Variants in SLFN12L observed in about 807,000 individuals in gnomAD.
SLFN12L encodes the protein schlafen family member 12 like, also known as schlafen family member 12-like.
Under a neutral mutation model 34.8 loss-of-function variants are expected in SLFN12L, and 34 were observed. That is an observed-to-expected ratio of 0.98 (90% CI 0.74 to 1.30). SLFN12L has a LOEUF of 1.30. Among genes scored for constraint, SLFN12L ranks in the 50% most tolerant of loss-of-function variants. The pLI is 0.00. For missense variants in SLFN12L, 703 were observed against 696.2 expected (o/e 1.01, Z -0.11); for synonymous variants, 259 against 247.5 (o/e 1.05, Z -0.44).
rs1381398189 is a variant in SLFN12L, at chr17:35,472,218, A to G, written c.*2705T>C. Among the ~76,000 whole-genome samples, 2 of 152,110 alleles carry G rather than the reference A, an allele frequency of 1.3e-5. No homozygotes were observed. The highest frequency in any genetic ancestry group is 4.8e-5 in the African/African-American group (2 of 41,410). On this transcript the variant is annotated 3_prime_UTR_variant, in exon 5 of 5. Transcript: ENST00000628453. The stretch of plus-strand genomic sequence containing the variant: ...AGTTTTGCATTTAAGTCTTTAATCT[A>G]TCTTGAGTTAATTTTTGTATAAAGT...
At chr17:35,522,013 A>G (rs1916011161) in intron 2 of SLFN12L, among the ~76,000 whole-genome samples, 1 of 152,142 alleles carries the variant, frequency 6.6e-6, no homozygotes, top group Non-Finnish European at 1.5e-5. Flanking sequence ...AGATATACCT[A>G]ATGTTAAATG....
intron 2 of SLFN12L, among the ~76,000 whole-genome samples, chr17:35,495,935 A>G (rs2142145333): frequency 6.6e-6 from 1 of 150,658 alleles, no homozygotes; most frequent in South Asian, 2.1e-4. Flanking sequence ...ACACACACAC[A>G]CACACACACA....
At chr17:35,500,710 CAGAGCGAG>C (rs1343151625) in intron 2 of SLFN12L, among the ~76,000 whole-genome samples, 1 of 147,608 alleles carries the variant, frequency 6.8e-6, no homozygotes, top group Non-Finnish European at 1.5e-5. Context: ...GCCTGGGTGA[CAGAGCGAG>C]ACTCTGTCTC....
intron 2 of SLFN12L, among the ~76,000 whole-genome samples, chr17:35,521,997 A>G (rs532802112): frequency 6.6e-6 from 1 of 152,292 alleles, no homozygotes; most frequent in Admixed American, 6.5e-5. Context: ...GAGGGATAGC[A>G]TTAGGAGATA....
chr17:35,525,360 A>C (rs533750545), intron 1 of SLFN12L, among the ~76,000 whole-genome samples: 8 of 152,296 alleles, frequency 5.3e-5, no homozygotes, highest in African/African-American at 1.9e-4. Flanking sequence ...TACAGAGAAC[A>C]CCACAAAGAT....
At chr17:35,530,441 G>GAAGAAAGAAAGA (rs1289016983) in intron 1 of SLFN12L, among the ~76,000 whole-genome samples, 1 of 16,874 alleles carries the variant, frequency 5.9e-5, no homozygotes. Flanking sequence ...GAAGGGAAGG[G>GAAGAAAGAAAGA]AAGAAAGAAA....
At position 35,501,322 on chromosome 17, in the gene SLFN12L, G is replaced by A. The variant is rs377376676; in HGVS notation, c.86+20957C>T. Among the ~76,000 whole-genome samples the A allele has an allele frequency of 1.4e-4, 21 of 152,322 alleles. No individual in the cohort carries two copies. In the East Asian group the frequency reaches 1.5e-3, roughly 11 times the overall value. ...CAGGAGGAACTGGCACTTGGAGTCC[G>A]GACATCTGAAACTTGGTAAGACTGG... On this transcript the variant is annotated intron_variant, in intron 2 of 4. Transcript: ENST00000628453.
chr17:35,468,875 G>A lies in SLFN12L; in HGVS notation c.*6048C>T, dbSNP rs995023852. 6.6e-6 allele frequency among the ~76,000 whole-genome samples: 1 copy of A among 151,992 alleles called. No homozygotes were observed. The highest frequency in any genetic ancestry group is 2.1e-4 in the South Asian group (1 of 4,828). ...TACAAAACATATAAAAGTTAGCTGG[G>A]CATGGTGGTGTACACCTGTAGTCCC... On this transcript the variant is annotated 3_prime_UTR_variant, in exon 5 of 5. Transcript: ENST00000628453.
At chr17:35,513,915 A>C (rs1190654738) in intron 2 of SLFN12L, among the ~76,000 whole-genome samples, 1 of 152,240 alleles carries the variant, frequency 6.6e-6, no homozygotes, top group Non-Finnish European at 1.5e-5. Flanking sequence ...TGGAAATACT[A>C]AGTCAGGCAA....
At chr17:35,491,128 C>T in intron 2 of SLFN12L, 3 of 774,908 alleles carry the variant, frequency 3.9e-6, no homozygotes, top group Non-Finnish European at 7.1e-6. Flanking sequence ...TGTGAACTTA[C>T]TGCCTCCCCT....
chr17:35,524,835 A>G (rs1338809313), intron 1 of SLFN12L, among the ~76,000 whole-genome samples: 1 of 152,190 alleles, frequency 6.6e-6, no homozygotes, highest in Non-Finnish European at 1.5e-5. Flanking sequence ...CAGCAAGGGA[A>G]CAAAACTGGA....
At chr17:35,530,417 GGAAGGAAGGAAGGGA>G (rs1567693613) in intron 1 of SLFN12L, among the ~76,000 whole-genome samples, 233 of 12,894 alleles carry the variant, frequency 0.018, 34 homozygotes, top group East Asian at 0.11. Flanking sequence ...AAGGAAGGAA[GGAAGGAAGGAAGGGA>G]AGGGAAGGGA....
intron 2 of SLFN12L, among the ~76,000 whole-genome samples, chr17:35,506,186 A>G (rs1013273004): frequency 3.3e-5 from 5 of 152,188 alleles, no homozygotes; most frequent in African/African-American, 1.2e-4. Flanking sequence ...GAAGGAAAGA[A>G]AAGGGATTCC....
Position 35,472,792 on chromosome 17 carries a change from G to A in SLFN12L, c.*2131C>T, listed in dbSNP as rs1913827941. On this transcript the variant is annotated 3_prime_UTR_variant, in exon 5 of 5. Transcript: ENST00000628453. The stretch of plus-strand genomic sequence containing the variant: ...TTCTTCCTGTTTATGAGGATGGAAT[G>A]TTTTTCCATTTGTTTGTGTCTTCTC... Among the ~76,000 whole-genome samples the A allele has an allele frequency of 1.3e-5, 2 of 152,284 alleles. No individual in the cohort carries two copies. Among genetic ancestry groups the A allele is most frequent in the South Asian group, 4.1e-4 (2 of 4,820 alleles).
At chr17:35,478,528 T>C (rs554515363) in intron 3 of SLFN12L, 9 of 197,014 alleles carry the variant, frequency 4.6e-5, no homozygotes, top group Non-Finnish European at 8.1e-5. Context: ...CTGGGTTTTA[T>C]GCAGATTCTG....
Position 35,472,656 on chromosome 17 carries a change from T to C in SLFN12L, c.*2267A>G, listed in dbSNP as rs1299980586. On this transcript the variant is annotated 3_prime_UTR_variant, in exon 5 of 5. Coordinates refer to ENST00000628453, the MANE Select transcript of SLFN12L (RefSeq NM_001363830.2). ...CATATGAAATTTAATTTCATTTAAT[T>C]CTGATTTGATTCCATATGAAATTCT... Among the ~76,000 whole-genome samples, 1 of 152,170 alleles carries C rather than the reference T, an allele frequency of 6.6e-6. No homozygotes were observed. The highest frequency in any genetic ancestry group is 2.4e-5 in the African/African-American group (1 of 41,448).
chr17:35,521,248 A>G (rs1008256340), intron 2 of SLFN12L, among the ~76,000 whole-genome samples: 2 of 152,150 alleles, frequency 1.3e-5, no homozygotes, highest in African/African-American at 4.8e-5. Context: ...GGATCCTGGA[A>G]CAGACAAGCA....
chr17:35,492,618 G>A (rs1311301648), intron 2 of SLFN12L, among the ~76,000 whole-genome samples: 17 of 152,138 alleles, frequency 1.1e-4, no homozygotes, highest in Middle Eastern at 3.2e-3. Flanking sequence ...GAAGTTGGGG[G>A]CGTAGAAAAT....
rs781743202 is a variant in SLFN12L at position 35,480,075 on chromosome 17, A to G, written c.207T>C (p.Asn69=). 9.9e-6 allele frequency: 16 copies of G among 1,613,776 alleles called. No homozygotes were observed. Among genetic ancestry groups the G allele is most frequent in the Middle Eastern group, 3.3e-4 (2 of 6,062 alleles). Residue 69 remains asparagine (N), a synonymous_variant, in exon 3 of 5, where the codon AAT becomes AAC. Coordinates refer to ENST00000628453, the MANE Select transcript of SLFN12L (RefSeq NM_001363830.2). ...NVGRVTLGEN[N]RKKMKDCQLR... ...GTTGACAATCCTTCATTTTTTTTCT[A>G]TTGTTCTCTCCAAGAGTGACTCTTC...
Sources: allele counts gnomAD v4.1 joint callset (sites outside exome capture counted in the v4.1 genomes callset), GRCh38; gene constraint gnomAD v4.1.1; transcripts MANE v1.5; gene names NCBI Gene and HGNC (gene_info 2026-07-23, HGNC 2026-07-21).